Variants in CTNNA3 observed in about 807,000 individuals in gnomAD.
CTNNA3 encodes the protein catenin alpha 3.
In CTNNA3, 76 loss-of-function variants were observed where a neutral mutation model predicts 95.7. That is an observed-to-expected ratio of 0.79 (90% CI 0.66 to 0.96). The LOEUF is 0.96. CTNNA3 is among the 40% of genes least tolerant of loss of function. The pLI, the probability that CTNNA3 is intolerant of heterozygous loss-of-function variation, is 0.00. For missense variants in CTNNA3, 1,191 were observed against 1,089.8 expected (o/e 1.09, Z -1.31); for synonymous variants, 431 against 374.4 (o/e 1.15, Z -1.74).
chr10:67,050,325 C>T (rs1264616810), intron 7 of CTNNA3, among the ~76,000 whole-genome samples: 2 of 152,080 alleles, frequency 1.3e-5, no homozygotes, highest in African/African-American at 2.4e-5. Flanking sequence ...CTTGAGCGTT[C>T]GGTCTACTTT....
At position 66,926,786 on chromosome 10, in the gene CTNNA3, A is replaced by C. The variant is rs375280408; in HGVS notation, c.1048-151262T>G. The C allele has an allele frequency of 5.0e-5, 49 of 982,344 alleles. 1 individual carries two copies. In the African/African-American group the frequency reaches 6.7e-4, roughly 14 times the overall value. The allele number at this position is 982,344 out of a possible 1,614,324, so 60.9% of individuals were successfully genotyped here. On this transcript the variant is annotated intron_variant, in intron 7 of 17. Coordinates refer to ENST00000433211, the MANE Select transcript of CTNNA3 (RefSeq NM_013266.4). Reference sequence around the variant, plus strand: ...ACTAAAGACAATTCTCTTTAATTACAAAGAGATAATATGTGATGTTAAGTG... The same window carrying C: ...ACTAAAGACAATTCTCTTTAATTACCAAGAGATAATATGTGATGTTAAGTG...
intron 3 of CTNNA3, among the ~76,000 whole-genome samples, chr10:67,600,781 T>C (rs1843060073): frequency 6.6e-6 from 1 of 152,216 alleles, no homozygotes; most frequent in South Asian, 2.1e-4. Context: ...CAATGCTCAT[T>C]AAAGAAAAAA....
At chr10:67,705,523 C>G (rs1248142807) in intron 1 of CTNNA3, among the ~76,000 whole-genome samples, 1 of 147,942 alleles carries the variant, frequency 6.8e-6, no homozygotes, top group Non-Finnish European at 1.5e-5. Flanking sequence ...TAAACTATCG[C>G]AAGAACAAAA....
chr10:66,946,374 T>G (rs1166411411), intron 7 of CTNNA3, among the ~76,000 whole-genome samples: 2 of 152,180 alleles, frequency 1.3e-5, no homozygotes, highest in African/African-American at 4.8e-5. Context: ...GACATTTGTA[T>G]AGTTTAAACA....
At chr10:66,422,265 G>T (rs1423659350) in intron 11 of CTNNA3, among the ~76,000 whole-genome samples, 1 of 152,020 alleles carries the variant, frequency 6.6e-6, no homozygotes, top group East Asian at 1.9e-4. Flanking sequence ...AATAAGATTT[G>T]AAAATATATA....
intron 7 of CTNNA3, among the ~76,000 whole-genome samples, chr10:66,924,364 G>A (rs1165534638): frequency 6.6e-6 from 1 of 152,116 alleles, no homozygotes; most frequent in Non-Finnish European, 1.5e-5. Context: ...TCCACAGACA[G>A]TTCACCTAAC....
intron 13 of CTNNA3, among the ~76,000 whole-genome samples, chr10:66,150,692 C>G (rs545410900): frequency 6.6e-6 from 1 of 152,004 alleles, no homozygotes; most frequent in African/African-American, 2.4e-5. Flanking sequence ...TTATTATTAA[C>G]TATAGTTACC....
chr10:66,565,231 A>G (rs1842670124), intron 10 of CTNNA3, among the ~76,000 whole-genome samples: 1 of 152,194 alleles, frequency 6.6e-6, no homozygotes, highest in Admixed American at 6.5e-5. Flanking sequence ...GTTGTTAGGT[A>G]CTACTTGATC....
chr10:66,888,813 T>C (rs570241200), intron 7 of CTNNA3, among the ~76,000 whole-genome samples: 19 of 152,296 alleles, frequency 1.2e-4, no homozygotes, highest in African/African-American at 4.1e-4. Context: ...AGTTTGACAC[T>C]TTAACGAAAT....
intron 11 of CTNNA3, among the ~76,000 whole-genome samples, chr10:66,429,918 G>A (rs1275804504): frequency 1.3e-5 from 2 of 151,470 alleles, no homozygotes; most frequent in African/African-American, 4.9e-5. Flanking sequence ...TCAGGCAGGA[G>A]AAGGAAATAA....
At chr10:67,051,823 C>T (rs1160699065) in intron 7 of CTNNA3, among the ~76,000 whole-genome samples, 3 of 151,908 alleles carry the variant, frequency 2.0e-5, no homozygotes, top group South Asian at 2.1e-4. Context: ...GGCACCATCT[C>T]GGCTCACTGC....
At chr10:66,674,536 C>A (rs1050840367) in intron 9 of CTNNA3, among the ~76,000 whole-genome samples, 2 of 151,744 alleles carry the variant, frequency 1.3e-5, no homozygotes, top group African/African-American at 4.8e-5. Context: ...CCTATTGCTC[C>A]TTTGCATAGC....
intron 7 of CTNNA3, among the ~76,000 whole-genome samples, chr10:67,014,348 A>G (rs2133050227): frequency 1.3e-5 from 2 of 152,280 alleles, no homozygotes; most frequent in East Asian, 3.9e-4. Context: ...CTTGGCTTCT[A>G]TTTACAGCTT....
intron 11 of CTNNA3, among the ~76,000 whole-genome samples, chr10:66,488,230 T>C (rs956940310): frequency 6.6e-6 from 1 of 152,202 alleles, no homozygotes; most frequent in African/African-American, 2.4e-5. Flanking sequence ...GAAATAACTA[T>C]AGCAATATTC....
At chr10:67,631,918 G>C (rs1241977363) in intron 2 of CTNNA3, among the ~76,000 whole-genome samples, 1 of 152,160 alleles carries the variant, frequency 6.6e-6, no homozygotes, top group Non-Finnish European at 1.5e-5. Flanking sequence ...ATCTAAAAAA[G>C]TTAAATTCAA....
Position 66,219,522 on chromosome 10 carries a change from A to G in CTNNA3, c.1884+60948T>C, listed in dbSNP as rs373224730. Among the ~76,000 whole-genome samples the G allele has an allele frequency of 3.2e-4, 48 of 152,266 alleles. No individual in the cohort carries two copies. The South Asian group carries it at 9.3e-3, about 30-fold the overall frequency. ...CTCTCTCTCATCATTTGCTTTAAAG[A>G]AAGACATGATGTAAGTAGCCCACAT... On this transcript the variant is annotated intron_variant, in intron 13 of 17. Transcript: ENST00000433211.
At chr10:66,917,851 A>G (rs1216208085) in intron 7 of CTNNA3, among the ~76,000 whole-genome samples, 1 of 152,240 alleles carries the variant, frequency 6.6e-6, no homozygotes, top group Non-Finnish European at 1.5e-5. Context: ...TTTAAAGAAC[A>G]CTGACTGACT....
chr10:66,785,011 A>T (rs1840686425), intron 7 of CTNNA3, among the ~76,000 whole-genome samples: 1 of 152,190 alleles, frequency 6.6e-6, no homozygotes, highest in South Asian at 2.1e-4. Context: ...ATGAATTCCA[A>T]CATTTGAGCA....
intron 10 of CTNNA3, among the ~76,000 whole-genome samples, chr10:66,606,784 G>A (rs931566791): frequency 6.6e-6 from 1 of 151,964 alleles, no homozygotes; most frequent in African/African-American, 2.4e-5. Context: ...AGTATTAAGA[G>A]GACAATTTAT....
Sources: gnomAD v4.1 joint callset for allele counts (sites outside exome capture counted in the v4.1 genomes callset) on GRCh38, gnomAD v4.1.1 for gene constraint, MANE v1.5 for transcripts, NCBI Gene and HGNC (gene_info 2026-07-23, HGNC 2026-07-21) for gene names.